ASTN2: variants seen among roughly 807,000 people sequenced by gnomAD.
The protein encoded by ASTN2 is astrotactin 2, also known as astrotactin-2.
A neutral mutation model predicts 139.8 loss-of-function variants in ASTN2; 54 were observed. The observed-to-expected ratio is 0.39, with a 90% CI of 0.31 to 0.48. ASTN2 has a LOEUF of 0.48. ASTN2 is among the 20% of genes least tolerant of loss of function. The pLI is 0.95. For missense variants in ASTN2, 1,565 were observed against 1,725.1 expected (o/e 0.91, Z 1.64); for synonymous variants, 756 against 719.5 (o/e 1.05, Z -0.81).
At chr9:116,911,317 C>T (rs539812260) in intron 10 of ASTN2, among the ~76,000 whole-genome samples, 21 of 152,234 alleles carry the variant, frequency 1.4e-4, no homozygotes, top group Admixed American at 3.9e-4. Context: ...AATTATATTA[C>T]CCAGATTGAG....
chr9:116,983,431 G>A (rs1224189013), intron 7 of ASTN2, among the ~76,000 whole-genome samples: 1 of 152,170 alleles, frequency 6.6e-6, no homozygotes, highest in African/African-American at 2.4e-5. Flanking sequence ...GGAAACTGAA[G>A]CTAACACTCG....
At chr9:117,188,166 TAGAGAGAG>T (rs150848006) in intron 3 of ASTN2, among the ~76,000 whole-genome samples, 4 of 125,668 alleles carry the variant, frequency 3.2e-5, no homozygotes, top group African/African-American at 9.5e-5. Context: ...GTCTGTGTGA[TAGAGAGAG>T]AGAGAGAGAG....
In ASTN2 at chr9:117,351,056, G is replaced by A. The variant is rs11999798; in HGVS notation, c.443-59543C>T. Reference sequence around the variant, plus strand: ...TGCTTGCTCTCCTTGCACCCTCAACGTCTACACTGCTACTCTCTTTAACAG... The same window carrying A: ...TGCTTGCTCTCCTTGCACCCTCAACATCTACACTGCTACTCTCTTTAACAG... On this transcript the variant is annotated intron_variant, in intron 1 of 22. Coordinates refer to ENST00000313400, the MANE Select transcript of ASTN2 (RefSeq NM_001365068.1). Among the ~76,000 whole-genome samples the A allele has an allele frequency of 5.8e-3, 883 of 152,152 alleles. 10 individuals are homozygous for A. Among genetic ancestry groups the A allele is most frequent in the African/African-American group, 0.02 (826 of 41,504 alleles).
At chr9:116,895,761 A>G (rs965626238) in intron 10 of ASTN2, among the ~76,000 whole-genome samples, 4 of 152,222 alleles carry the variant, frequency 2.6e-5, no homozygotes, top group Admixed American at 1.3e-4. Context: ...TACTAAGAGC[A>G]GAGGGAGGAG....
intron 20 of ASTN2, among the ~76,000 whole-genome samples, chr9:116,447,243 T>A (rs1848027798): frequency 6.6e-6 from 1 of 152,172 alleles, no homozygotes. Flanking sequence ...CTCTGGAAAG[T>A]CTGCTTTGAC....
chr9:116,556,171 G>A (rs1282448913), intron 19 of ASTN2, among the ~76,000 whole-genome samples: 1 of 152,206 alleles, frequency 6.6e-6, no homozygotes. Context: ...TGAAGCACGA[G>A]GAGTGCTCTG....
At chr9:116,921,009 C>T (rs772909128) in intron 10 of ASTN2, among the ~76,000 whole-genome samples, 2 of 152,140 alleles carry the variant, frequency 1.3e-5, no homozygotes, top group African/African-American at 2.4e-5. Flanking sequence ...AACTAGCTCA[C>T]CGTTCTACAG....
intron 1 of ASTN2, among the ~76,000 whole-genome samples, chr9:117,339,311 T>C (rs1046618997): frequency 6.6e-6 from 1 of 152,156 alleles, no homozygotes; most frequent in Non-Finnish European, 1.5e-5. Flanking sequence ...CTTTCCACTA[T>C]GCCACACCGC....
chr9:116,609,172 T>A (rs1468966317), intron 19 of ASTN2, among the ~76,000 whole-genome samples: 1 of 151,580 alleles, frequency 6.6e-6, no homozygotes, highest in Non-Finnish European at 1.5e-5. Context: ...GACAAAATAA[T>A]GTCCAAAAAT....
intron 2 of ASTN2, among the ~76,000 whole-genome samples, chr9:117,229,288 G>T (rs1185854735): frequency 6.6e-6 from 1 of 152,114 alleles, no homozygotes; most frequent in Admixed American, 6.5e-5. Context: ...GCTGAACCTC[G>T]ATCTGTTCCC....
At chr9:117,223,569 A>G (rs1011161649) in intron 2 of ASTN2, among the ~76,000 whole-genome samples, 3 of 152,098 alleles carry the variant, frequency 2.0e-5, no homozygotes, top group Non-Finnish European at 4.4e-5. Flanking sequence ...TTAGGGAGGG[A>G]CCTATCTATC....
At chr9:116,509,091 G>T (rs1850244119) in intron 19 of ASTN2, among the ~76,000 whole-genome samples, 1 of 152,152 alleles carries the variant, frequency 6.6e-6, no homozygotes, top group African/African-American at 2.4e-5. Flanking sequence ...CATGTGCCAT[G>T]TTGGTGTGCT....
chr9:117,345,796 C>T (rs1291022573), intron 1 of ASTN2, among the ~76,000 whole-genome samples: 1 of 152,074 alleles, frequency 6.6e-6, no homozygotes, highest in Non-Finnish European at 1.5e-5. Flanking sequence ...AATACATACA[C>T]TTCCCTAGTC....
chr9:116,438,850 T>C (rs1295616036), intron 22 of ASTN2, among the ~76,000 whole-genome samples: 2 of 152,112 alleles, frequency 1.3e-5, no homozygotes, highest in Admixed American at 1.3e-4. Flanking sequence ...CTTGGGAGGC[T>C]GAGGCAGGAG....
At chr9:116,706,985 C>G (rs1828005477) in intron 16 of ASTN2, among the ~76,000 whole-genome samples, 1 of 151,834 alleles carries the variant, frequency 6.6e-6, no homozygotes, top group Admixed American at 6.6e-5. Context: ...TTACCTGTGT[C>G]TCTGAATTGT....
intron 5 of ASTN2, among the ~76,000 whole-genome samples, chr9:117,051,875 T>A (rs1209925760): frequency 6.6e-6 from 1 of 152,140 alleles, no homozygotes; most frequent in African/African-American, 2.4e-5. Flanking sequence ...TTTGGGGTAG[T>A]TGTTGCTGTT....
intron 1 of ASTN2, among the ~76,000 whole-genome samples, chr9:117,347,291 T>C (rs1829248945): frequency 6.6e-6 from 1 of 152,060 alleles, no homozygotes; most frequent in Admixed American, 6.6e-5. Context: ...CCTTCATAGA[T>C]ACATTATACT....
chr9:116,563,683 TTTTC>T (rs1179438968), intron 19 of ASTN2, among the ~76,000 whole-genome samples: 1 of 152,192 alleles, frequency 6.6e-6, no homozygotes, highest in Non-Finnish European at 1.5e-5. Context: ...CTGCTTTTCT[TTTTC>T]TTCTGTATCA....
chr9:116,445,327 T>A (rs888401), intron 20 of ASTN2, among the ~76,000 whole-genome samples: 66 of 152,120 alleles, frequency 4.3e-4, no homozygotes, highest in African/African-American at 1.6e-3. Flanking sequence ...ATAAAAGCAC[T>A]TATTTGTGCA....
Sources: gnomAD v4.1 joint callset for allele counts (sites outside exome capture counted in the v4.1 genomes callset) on GRCh38, gnomAD v4.1.1 for gene constraint, MANE v1.5 for transcripts, NCBI Gene and HGNC (gene_info 2026-07-23, HGNC 2026-07-21) for gene names.